The following DEPDC5 variants were observed in gnomAD, a reference collection of about 807,000 sequenced individuals.
DEPDC5 encodes DEP domain containing 5, GATOR1 subcomplex subunit, also known as GATOR1 complex protein DEPDC5.
Under a neutral mutation model 217.3 loss-of-function variants are expected in DEPDC5, and 73 were observed. The ratio of observed to expected loss-of-function variants is 0.34; its 90% confidence interval spans 0.28 to 0.41. DEPDC5 has a LOEUF of 0.41. Among genes scored for constraint, DEPDC5 ranks in the 10% least tolerant of loss-of-function variants. The pLI, the probability that DEPDC5 is intolerant of heterozygous loss-of-function variation, is 1.00. For synonymous variants in DEPDC5, 733 were observed against 756.7 expected, an observed-to-expected ratio of 0.97 and a Z score of 0.51; for missense variants, 1,675 against 2,070.1, an observed-to-expected ratio of 0.81 and a Z score of 3.70.
chr22:31,867,773 C>G (rs2092726948), intron 33 of DEPDC5, among the ~76,000 whole-genome samples: 1 of 152,190 alleles, frequency 6.6e-6, no homozygotes, highest in Non-Finnish European at 1.5e-5. Flanking sequence ...CAGAGGACAA[C>G]TCTTTAACCA....
chr22:31,808,963 T>C (rs1037688440), intron 18 of DEPDC5, among the ~76,000 whole-genome samples: 8 of 152,074 alleles, frequency 5.3e-5, no homozygotes, highest in Non-Finnish European at 1.2e-4. Flanking sequence ...AGATGGGGTC[T>C]TACTGTGTTG....
chr22:31,823,951 T>G (rs1297165268), intron 24 of DEPDC5, among the ~76,000 whole-genome samples: 1 of 152,154 alleles, frequency 6.6e-6, no homozygotes, highest in Non-Finnish European at 1.5e-5. Context: ...GACAGAGATA[T>G]TGTACAAAAT....
At chr22:31,862,242 CAATA>C (rs767611846) in intron 33 of DEPDC5, among the ~76,000 whole-genome samples, 4 of 149,870 alleles carry the variant, frequency 2.7e-5, no homozygotes, top group Non-Finnish European at 4.4e-5. Context: ...AACTCCATCT[CAATA>C]AATAAATAAA....
chr22:31,869,540 C>T (rs2092782172), intron 33 of DEPDC5, among the ~76,000 whole-genome samples: 1 of 142,412 alleles, frequency 7.0e-6, no homozygotes, highest in South Asian at 2.2e-4. Flanking sequence ...ACTCCAGCCT[C>T]GGTGACAGAG....
chr22:31,785,449 G>T (rs1441077784), intron 10 of DEPDC5, among the ~76,000 whole-genome samples: 11 of 152,186 alleles, frequency 7.2e-5, no homozygotes, highest in Non-Finnish European at 2.9e-5. Flanking sequence ...ATAAAACACT[G>T]TGAAAGGAGT....
intron 14 of DEPDC5, among the ~76,000 whole-genome samples, chr22:31,801,925 A>G (rs1221167300): frequency 6.6e-6 from 1 of 151,876 alleles, no homozygotes; most frequent in Non-Finnish European, 1.5e-5. Context: ...GAGGCTAGAA[A>G]TAAAAAGTGA....
chr22:31,788,335 G>A (rs918999041), intron 10 of DEPDC5, among the ~76,000 whole-genome samples: 15 of 141,824 alleles, frequency 1.1e-4, no homozygotes, highest in African/African-American at 2.1e-4. Flanking sequence ...GTGCAGTGGC[G>A]CAATCATAGC....
intron 18 of DEPDC5, 75 bp from the exon 19 acceptor site, chr22:31,809,536 C>T: frequency 6.5e-7 from 1 of 1,530,384 alleles, no homozygotes; most frequent in South Asian, 1.1e-5. Context: ...GGGAGCAGCA[C>T]ATATATACTG....
At chr22:31,787,828 A>AG in intron 10 of DEPDC5, among the ~76,000 whole-genome samples, 1 of 151,458 alleles carries the variant, frequency 6.6e-6, no homozygotes, top group South Asian at 2.1e-4. Context: ...AAAAAAAAAA[A>AG]AAGAAGAAGA....
intron 32 of DEPDC5, among the ~76,000 whole-genome samples, chr22:31,860,855 A>C (rs532502544): frequency 2.6e-5 from 4 of 152,144 alleles, no homozygotes; most frequent in African/African-American, 7.2e-5. Context: ...GGCTCAATGT[A>C]TCTCTCCAAG....
Position 31,784,259 on chromosome 22 carries a change from GAAAT to G in DEPDC5, c.562+282_562+285del, listed in dbSNP as rs752895786. The G allele has an allele frequency of 4.6e-5, 12 of 258,342 alleles. No individual in the cohort carries two copies. The Middle Eastern group carries it at 3.7e-3, about 80-fold the overall frequency. The allele number at this position is 258,342 out of a possible 1,614,324, so 16.0% of individuals were successfully genotyped here. On this transcript the variant is annotated intron_variant, in intron 9 of 42. Coordinates refer to ENST00000651528, the MANE Select transcript of DEPDC5 (RefSeq NM_001242896.3). ...ATTAAATTTGGCTTCAAAAAATAAA[GAAAT>G]AAATAAACTTGGCTTCTTAGTTTGA...
chr22:31,832,384 G>T (rs560589450), intron 24 of DEPDC5, among the ~76,000 whole-genome samples: 23 of 152,226 alleles, frequency 1.5e-4, no homozygotes, highest in African/African-American at 5.1e-4. Flanking sequence ...AATGTGTAAG[G>T]CTTCCTGTTG....
chr22:31,848,284 T>G (rs1487201690), intron 31 of DEPDC5, among the ~76,000 whole-genome samples: 1 of 152,188 alleles, frequency 6.6e-6, no homozygotes, highest in Admixed American at 6.5e-5. Context: ...ATGGTGGCCC[T>G]CTTCTCACAG....
At chr22:31,874,151 A>C (rs1019245445) in intron 35 of DEPDC5, 122 bp from the exon 36 acceptor site, 9 of 1,394,954 alleles carry the variant, frequency 6.5e-6, no homozygotes, top group Non-Finnish European at 8.8e-6. Flanking sequence ...GGAATAGCAT[A>C]GGGACATTGC....
chr22:31,818,710 C>T (rs1353583186), intron 21 of DEPDC5, among the ~76,000 whole-genome samples: 1 of 152,214 alleles, frequency 6.6e-6, no homozygotes, highest in African/African-American at 2.4e-5. Flanking sequence ...CAACTCAAGT[C>T]CCATCATTCA....
intron 8 of DEPDC5, among the ~76,000 whole-genome samples, chr22:31,783,612 G>A (rs780790754): frequency 6.6e-6 from 1 of 152,110 alleles, no homozygotes; most frequent in Non-Finnish European, 1.5e-5. Context: ...AGGCTGCAGT[G>A]AGCTGTGATT....
chr22:31,773,953 C>A (rs952996992), intron 7 of DEPDC5, among the ~76,000 whole-genome samples: 1 of 152,048 alleles, frequency 6.6e-6, no homozygotes, highest in African/African-American at 2.4e-5. Context: ...CTCCTGTAAT[C>A]CCAGCTACTC....
chr22:31,860,120 A>C (rs2092457307), intron 32 of DEPDC5, among the ~76,000 whole-genome samples: 1 of 152,198 alleles, frequency 6.6e-6, no homozygotes, highest in South Asian at 2.1e-4. Context: ...TAAAATCCAC[A>C]TGCATGACCC....
At position 31,844,288 on chromosome 22, in the gene DEPDC5, A is replaced by C. The variant is rs192064531; in HGVS notation, c.2801+476A>C. Among the ~76,000 whole-genome samples the C allele has an allele frequency of 9.6e-3, 1,458 of 152,250 alleles. 20 individuals are homozygous for C. The highest frequency in any genetic ancestry group is 0.032 in the African/African-American group (1,346 of 41,544). On this transcript the variant is annotated intron_variant, in intron 29 of 42. Transcript: ENST00000651528. ...CATGGTGACATACCCCTATAGTCCT[A>C]GCTACTCAGGAGGCCGAAGTGCTTG...
Sources: gnomAD v4.1 joint callset for allele counts (sites outside exome capture counted in the v4.1 genomes callset) on GRCh38, gnomAD v4.1.1 for gene constraint, MANE v1.5 for transcripts, NCBI Gene and HGNC (gene_info 2026-07-23, HGNC 2026-07-21) for gene names.